The following DTX1 variants were observed in gnomAD, a reference collection of about 807,000 sequenced individuals.
DTX1 encodes E3 ubiquitin-protein ligase DTX1.
In DTX1, 26 loss-of-function variants were observed where a neutral mutation model predicts 57.8. The ratio of observed to expected loss-of-function variants is 0.45; its 90% CI spans 0.33 to 0.62. DTX1 has a LOEUF of 0.62. Among genes scored for constraint, DTX1 ranks in the 20% least tolerant of loss-of-function variants. DTX1 has a pLI of 0.02. For missense variants in DTX1, 704 were observed against 895.3 expected (o/e 0.79, Z 2.73); for synonymous variants, 398 against 394.1 (o/e 1.01, Z -0.12).
Position 113,097,072 on chromosome 12 carries a change from A to G in DTX1, c.*133A>G. ...GGAAGGGGCCGCAGCCATTCAGGGGACCTGCCTGGTGGCAGCTGGGATGAA... is the reference window on the plus strand; with the variant it reads ...GGAAGGGGCCGCAGCCATTCAGGGGGCCTGCCTGGTGGCAGCTGGGATGAA... On this transcript the variant is annotated 3_prime_UTR_variant, in exon 10 of 10. Transcript: ENST00000548759. The G allele has an allele frequency of 9.9e-7, 1 of 1,009,980 alleles. No homozygotes were observed. The highest frequency in any genetic ancestry group is 1.4e-6 in the Non-Finnish European group (1 of 711,206). The allele number at this position is 1,009,980 out of a possible 1,614,324, so 62.6% of individuals were successfully genotyped here.
rs1433265527 is a variant in DTX1 at position 113,093,316 on chromosome 12, G to A, written c.1003+93G>A. 6 of 1,458,020 alleles carry A rather than the reference G, an allele frequency of 4.1e-6. No individual in the cohort carries two copies. The African/African-American group carries it at 5.6e-5, about 14-fold the overall frequency. The allele number at this position is 1,458,020 out of a possible 1,614,324, so 90.3% of individuals were successfully genotyped here. On this transcript the variant is annotated intron_variant, in intron 4 of 9. Transcript: ENST00000548759. This position sits in a 1 kb window ranked among gnomAD's most constrained non-coding sequence, Gnocchi z 4.2. Reference sequence around the variant, plus strand: ...GTGACCCCGCCCCCGAGATGGGCTGGTGAGCGTGGCCCGGAGGAAACGCCC... The same window carrying A: ...GTGACCCCGCCCCCGAGATGGGCTGATGAGCGTGGCCCGGAGGAAACGCCC...
Position 113,093,433 on chromosome 12 carries a change from C to G in DTX1, c.1004-106C>G. The G allele has an allele frequency of 8.4e-7, 1 of 1,188,882 alleles. No homozygotes were observed. Among genetic ancestry groups the G allele is most frequent in the Non-Finnish European group, 1.2e-6 (1 of 868,288 alleles). 73.6% of individuals were successfully genotyped at this position (1,188,882 alleles called of 1,614,324 possible). On this transcript the variant is annotated intron_variant, in intron 4 of 9. Transcript: ENST00000548759. The surrounding 1 kb of genome is among the most constrained non-coding windows in gnomAD (Gnocchi z 4.2). ...GGGCTGAGTGGGTGGGGCCCAAGAG[C>G]GCAACCCTCCCACCCACCCGAGGGC... is the stretch of plus-strand genomic sequence containing the variant.
At chr12:113,095,577 T>G (rs1205776400) in intron 9 of DTX1, 163 bp downstream of exon 9, 3 of 844,336 alleles carry the variant, frequency 3.6e-6, no homozygotes, top group African/African-American at 3.4e-5. Context: ...TTCACACATC[T>G]TATCTCGTTT....
intron 3 of DTX1, among the ~76,000 whole-genome samples, chr12:113,083,778 A>G (rs2044835350): frequency 1.3e-5 from 2 of 150,142 alleles, no homozygotes; most frequent in South Asian, 4.3e-4. Flanking sequence ...CCTCTTAGTC[A>G]CTCTCTTTCC....
chr12:113,060,486 G>A (rs1471927575), intron 2 of DTX1, among the ~76,000 whole-genome samples: 1 of 152,208 alleles, frequency 6.6e-6, no homozygotes, highest in African/African-American at 2.4e-5. Flanking sequence ...GAGTGAGGGT[G>A]CCAGTGTCCC....
chr12:113,096,616 G>A (rs1950298478), intron 9 of DTX1, 99 bp from the exon 10 acceptor site: 3 of 1,156,586 alleles, frequency 2.6e-6, no homozygotes, highest in Admixed American at 4.3e-5. Flanking sequence ...AAGCCATAAG[G>A]TAGCCATGAT....
intron 2 of DTX1, among the ~76,000 whole-genome samples, chr12:113,059,505 C>T (rs1220375147): frequency 1.3e-5 from 2 of 152,106 alleles, no homozygotes; most frequent in South Asian, 2.1e-4. Context: ...TGAGGTCCCA[C>T]TCTCAGGCCT....
Position 113,077,393 on chromosome 12 carries a change from T to G in DTX1, c.260-31T>G. The G allele has an allele frequency of 1.3e-6, 2 of 1,569,670 alleles. No individual in the cohort carries two copies. The highest frequency in any genetic ancestry group is 1.7e-6 in the Non-Finnish European group (2 of 1,164,326). ...CAGCCGCGCAGACCAACGCCCGCTGTGCTGACGCCTCCTCCCCATTTCGAG... is the reference window on the plus strand; with the variant it reads ...CAGCCGCGCAGACCAACGCCCGCTGGGCTGACGCCTCCTCCCCATTTCGAG... On this transcript the variant is annotated intron_variant, in intron 2 of 9. Coordinates refer to ENST00000548759, the MANE Select transcript of DTX1 (RefSeq NM_004416.3). This position sits in a 1 kb window ranked among gnomAD's most constrained non-coding sequence, Gnocchi z 7.8.
intron 2 of DTX1, among the ~76,000 whole-genome samples, chr12:113,065,672 G>A (rs1053011699): frequency 2.0e-5 from 3 of 152,164 alleles, no homozygotes; most frequent in Non-Finnish European, 4.4e-5. Context: ...GAGGTGATGC[G>A]GAAGTGACAG....
At chr12:113,074,256 G>T (rs2044755956) in intron 2 of DTX1, among the ~76,000 whole-genome samples, 1 of 152,160 alleles carries the variant, frequency 6.6e-6, no homozygotes. Context: ...GTCAGGTAAT[G>T]CCAAGTGCCA....
rs2044777237 is a variant in DTX1, at chr12:113,077,042, A to C, written c.260-382A>C. On this transcript the variant is annotated intron_variant, in intron 2 of 9. Coordinates refer to ENST00000548759, the MANE Select transcript of DTX1 (RefSeq NM_004416.3). This position sits in a 1 kb window ranked among gnomAD's most constrained non-coding sequence, Gnocchi z 7.8. ...GGTGGAGGGTGGGGGAGCCCTCCAC[A>C]CCTTGCTGGTTTCCTACCCCAGGCT... is the stretch of plus-strand genomic sequence containing the variant. Among the ~76,000 whole-genome samples, 2 of 150,948 alleles carry C rather than the reference A, an allele frequency of 1.3e-5. No individual in the cohort carries two copies. The highest frequency in any genetic ancestry group is 4.2e-4 in the South Asian group (2 of 4,762).
At position 113,093,651 on chromosome 12, in the gene DTX1, T is replaced by C. The variant is rs1015965107; in HGVS notation, c.1116T>C (p.Pro372=). 2.5e-6 allele frequency: 4 copies of C among 1,613,792 alleles called. No individual in the cohort carries two copies. The highest frequency in any genetic ancestry group is 3.4e-6 in the Non-Finnish European group (4 of 1,179,948). ...GCAAGAGCGACGTGAAGCCCGTGCC[T>C]GGCGTGCCCGGGGTGTGCCGCAAGA... ...PVSKSDVKPV[P]GVPGVCRKTK... The change falls in exon 5 of 10, where the codon CCT becomes CCC. Residue 372 remains proline (P), a synonymous_variant. Transcript: ENST00000548759. The surrounding 1 kb of genome is among the most constrained non-coding windows in gnomAD (Gnocchi z 4.2).
rs1430678714 is a variant in DTX1 at position 113,056,840 on chromosome 12, C to CGGGCGCGGAGGCGG, written c.-847_-834dup. 1 of 152,184 alleles carries CGGGCGCGGAGGCGG rather than the reference C, an allele frequency of 6.6e-6. No individual in the cohort carries two copies. The highest frequency in any genetic ancestry group is 6.5e-5 in the Admixed American group (1 of 15,290). The allele number at this position is 152,184 out of a possible 1,614,324, so 9.4% of individuals were successfully genotyped here. On this transcript the variant is annotated 5_prime_UTR_variant, in exon 1 of 10. Transcript: ENST00000548759. ...GGCGGCCGAGGGGCCTGGGAGGGAA[C>CGGGCGCGGAGGCGG]GGGCGCGGAGGCGGGACCGCGGCTC...
chr12:113,081,264 G>A (rs896225220), intron 3 of DTX1, among the ~76,000 whole-genome samples: 7 of 152,256 alleles, frequency 4.6e-5, no homozygotes, highest in African/African-American at 1.7e-4. Context: ...GGGAGGTGGA[G>A]GTTGCAGTGA....
chr12:113,077,288 A>C lies in DTX1; in HGVS notation c.260-136A>C, dbSNP rs1259150022. The C allele has an allele frequency of 5.0e-6, 5 of 995,816 alleles. No individual in the cohort carries two copies. Among genetic ancestry groups the C allele is most frequent in the Non-Finnish European group, 5.7e-6 (4 of 698,340 alleles). 61.7% of individuals were successfully genotyped at this position (995,816 alleles called of 1,614,324 possible). A position where few individuals can be genotyped will look rare whatever the true frequency, so the allele number is the denominator to read the frequency against. On this transcript the variant is annotated intron_variant, in intron 2 of 9. Transcript: ENST00000548759. This position sits in a 1 kb window ranked among gnomAD's most constrained non-coding sequence, Gnocchi z 7.8. ...CCGTGCATGTGTTGACCCTCTCCCC[A>C]AGTCTGGGTGGACCCCCTGGAGGCC...
chr12:113,058,232 G>A lies in DTX1; in HGVS notation c.40G>A (p.Gly14Ser), dbSNP rs768309364. The A allele has an allele frequency of 1.9e-6, 3 of 1,612,752 alleles. No homozygotes were observed. Among genetic ancestry groups the A allele is most frequent in the Admixed American group, 3.3e-5 (2 of 59,970 alleles). Reference sequence around the variant, plus strand: ...CCACGGTGGGCTGATGCCTGTGAATGGTCTGGGCTTCCCACCGCAGAACGT... The same window carrying A: ...CCACGGTGGGCTGATGCCTGTGAATAGTCTGGGCTTCCCACCGCAGAACGT... ...PGHGGLMPVN[G>S]LGFPPQNVAR... Residue 14 changes from glycine (G) to serine (S), a missense_variant, in exon 2 of 10, where the codon GGT becomes AGT. This residue lies in a region of DTX1 where 237 missense variants were observed against 328.6 expected (regional missense o/e 0.72). Transcript: ENST00000548759.
chr12:113,058,112 G>C lies in DTX1; in HGVS notation c.-81G>C, dbSNP rs1566011628. 6.8e-7 allele frequency: 1 copy of C among 1,470,464 alleles called. No individual in the cohort carries two copies. The highest frequency in any genetic ancestry group is 1.4e-5 in the South Asian group (1 of 71,818). 91.1% of individuals were successfully genotyped at this position (1,470,464 alleles called of 1,614,324 possible). A position where few individuals can be genotyped will look rare whatever the true frequency, so the allele number is the denominator to read the frequency against. ...TCCTTGCTGTCCCCCTGGGGAGAGA[G>C]GAAGTTGCCGCCTGCTGCCAGGCCC... On this transcript the variant is annotated 5_prime_UTR_variant, in exon 2 of 10. Coordinates refer to ENST00000548759, the MANE Select transcript of DTX1 (RefSeq NM_004416.3).
At chr12:113,079,696 G>C (rs1026843591) in intron 3 of DTX1, among the ~76,000 whole-genome samples, 1 of 46,412 alleles carries the variant, frequency 2.2e-5, no homozygotes, top group African/African-American at 8.1e-5. Flanking sequence ...CCCGGCTACT[G>C]TGTGTGTGTG....
rs2044635687 is a variant in DTX1 at position 113,057,615 on chromosome 12, T to G, written c.-578T>G. On this transcript the variant is annotated 5_prime_UTR_variant, in exon 2 of 10. Coordinates refer to ENST00000548759, the MANE Select transcript of DTX1 (RefSeq NM_004416.3). ...GCCACCCAGGCCTTCCAGGACACCG[T>G]GGAGAGGGAACAAGGGGGCAGGGAC... 6.6e-6 allele frequency: 1 copy of G among 152,178 alleles called. No homozygotes were observed. Among genetic ancestry groups the G allele is most frequent in the Non-Finnish European group, 1.5e-5 (1 of 68,376 alleles). The allele number at this position is 152,178 out of a possible 1,614,324, so 9.4% of individuals were successfully genotyped here.
Sources: allele counts gnomAD v4.1 joint callset (sites outside exome capture counted in the v4.1 genomes callset), GRCh38; gene constraint gnomAD v4.1.1; regional missense constraint gnomAD v4.1.1; non-coding constraint Gnocchi (gnomAD v3.1); transcripts MANE v1.5; gene names NCBI Gene and HGNC (gene_info 2026-07-23, HGNC 2026-07-21).